Variants in PRKCH observed in about 807,000 individuals in gnomAD.
The protein encoded by PRKCH is protein kinase C eta.
Under a neutral mutation model 82.5 loss-of-function variants are expected in PRKCH, and 28 were observed. The observed-to-expected ratio is 0.34, with a 90% CI of 0.25 to 0.47. The LOEUF (loss-of-function observed/expected upper bound fraction) is 0.47, where lower values mean the gene tolerates loss of function less well. PRKCH is among the 20% of genes least tolerant of loss of function. The pLI, the probability that PRKCH is intolerant of heterozygous loss-of-function variation, is 1.00. For synonymous variants in PRKCH, 322 were observed against 327.4 expected (o/e 0.98, Z 0.18); for missense variants, 705 against 881.8 (o/e 0.80, Z 2.54).
At chr14:61,501,036 C>T (rs1420694689) in intron 10 of PRKCH, among the ~76,000 whole-genome samples, 1 of 152,124 alleles carries the variant, frequency 6.6e-6, no homozygotes, top group Non-Finnish European at 1.5e-5. Flanking sequence ...AAACTTACCC[C>T]CACAATGTAC....
chr14:61,436,571 C>T (rs1361382025), intron 2 of PRKCH, among the ~76,000 whole-genome samples: 1 of 152,170 alleles, frequency 6.6e-6, no homozygotes, highest in Non-Finnish European at 1.5e-5. Flanking sequence ...CTCACTCTGT[C>T]GCCCAGGTTG....
chr14:61,267,752 T>C (rs1459561768), intron 1 of PRKCH, among the ~76,000 whole-genome samples: 2 of 152,188 alleles, frequency 1.3e-5, no homozygotes, highest in Non-Finnish European at 2.9e-5. Flanking sequence ...TTCAAAAGCA[T>C]TTTTTCCACT....
Position 61,549,624 on chromosome 14 carries a change from G to A in PRKCH, c.1906-61G>A, listed in dbSNP as rs959650378. 95 of 1,578,428 alleles carry A rather than the reference G, an allele frequency of 6.0e-5. 1 individual carries two copies. The Middle Eastern group carries it at 6.7e-4, about 11-fold the overall frequency. ...CTCACTGGAATGGGCTATATCCCAT[G>A]CAAGATGAGTAAGCCTCAAGCGCAA... is the stretch of plus-strand genomic sequence containing the variant. On this transcript the variant is annotated intron_variant, in intron 13 of 13. Transcript: ENST00000332981.
intron 12 of PRKCH, among the ~76,000 whole-genome samples, chr14:61,531,131 A>G (rs774249558): frequency 7.9e-5 from 12 of 152,152 alleles, no homozygotes; most frequent in East Asian, 1.9e-4. Flanking sequence ...TGCAGGTGCA[A>G]TGTTGTAATG....
intron 10 of PRKCH, among the ~76,000 whole-genome samples, chr14:61,513,969 A>T (rs1234737247): frequency 2.0e-5 from 3 of 152,128 alleles, no homozygotes; most frequent in African/African-American, 7.3e-5. Flanking sequence ...GAAAGGTGAC[A>T]GAGCTAAGAC....
intron 10 of PRKCH, among the ~76,000 whole-genome samples, chr14:61,504,219 C>T (rs971445050): frequency 2.0e-5 from 3 of 151,656 alleles, no homozygotes; most frequent in Non-Finnish European, 2.9e-5. Context: ...GAGAGAGTCT[C>T]GCTCTGTTGC....
In PRKCH at chr14:61,301,987, T is replaced by A. The variant is rs1190265317; in HGVS notation, c.-19+114319T>A. On this transcript the variant is annotated intron_variant, in intron 1 of 3. Transcript: ENST00000555185. ...GTTCTCTTTCAGTTGACATTCTACA[T>A]AGGCAACCACTGACCTAGTTTCTAT... Among the ~76,000 whole-genome samples, 3 of 152,386 alleles carry A rather than the reference T, an allele frequency of 2.0e-5. No homozygotes were observed. In the East Asian group the frequency reaches 5.8e-4, roughly 29 times the overall value.
intron 1 of PRKCH, among the ~76,000 whole-genome samples, chr14:61,202,554 G>A (rs1402925297): frequency 6.6e-6 from 1 of 152,150 alleles, no homozygotes; most frequent in Non-Finnish European, 1.5e-5. Context: ...GGAGAGCAGT[G>A]GGGGAGGGGA....
At chr14:61,266,340 C>A (rs1240668156) in intron 1 of PRKCH, among the ~76,000 whole-genome samples, 1 of 152,090 alleles carries the variant, frequency 6.6e-6, no homozygotes, top group Non-Finnish European at 1.5e-5. Flanking sequence ...ATCACTTGAA[C>A]CTGGGAGGCA....
At chr14:61,541,758 T>C (rs2140031399) in intron 12 of PRKCH, among the ~76,000 whole-genome samples, 1 of 152,352 alleles carries the variant, frequency 6.6e-6, no homozygotes, top group South Asian at 2.1e-4. Context: ...ACTTATATTT[T>C]AGTGAGTAAA....
chr14:61,438,475 C>A (rs188576806), intron 2 of PRKCH, among the ~76,000 whole-genome samples: 1 of 152,188 alleles, frequency 6.6e-6, no homozygotes, highest in Admixed American at 6.5e-5. Flanking sequence ...CTGTGATCCA[C>A]GCTTTTGCCC....
chr14:61,356,493 G>A (rs1325499144), intron 1 of PRKCH, among the ~76,000 whole-genome samples: 5 of 152,118 alleles, frequency 3.3e-5, no homozygotes, highest in African/African-American at 1.2e-4. Context: ...ATTTTTCCGG[G>A]CTATCTCTGG....
At chr14:61,269,568 A>C (rs1028527841) in intron 1 of PRKCH, among the ~76,000 whole-genome samples, 8 of 152,096 alleles carry the variant, frequency 5.3e-5, no homozygotes, top group Admixed American at 1.3e-4. Context: ...CTATGCGTCC[A>C]TGTGTTCTCA....
At chr14:61,341,060 T>G (rs925214409) in intron 1 of PRKCH, among the ~76,000 whole-genome samples, 1 of 152,212 alleles carries the variant, frequency 6.6e-6, no homozygotes, top group African/African-American at 2.4e-5. Flanking sequence ...AAATCCATCC[T>G]CCATAAACTG....
intron 1 of PRKCH, among the ~76,000 whole-genome samples, chr14:61,224,536 C>T (rs934042112): frequency 2.0e-5 from 3 of 152,154 alleles, no homozygotes; most frequent in Non-Finnish European, 2.9e-5. Flanking sequence ...CTTGACAGTC[C>T]TGAGGAGTGC....
intron 1 of PRKCH, among the ~76,000 whole-genome samples, chr14:61,223,018 C>T (rs971525703): frequency 6.6e-6 from 1 of 152,100 alleles, no homozygotes; most frequent in African/African-American, 2.4e-5. Flanking sequence ...GAGCTATTCA[C>T]TCTCACTCTA....
chr14:61,294,589 T>C (rs981720546), intron 1 of PRKCH, among the ~76,000 whole-genome samples: 5 of 152,100 alleles, frequency 3.3e-5, no homozygotes, highest in Non-Finnish European at 7.4e-5. Context: ...ATCTTTTAAC[T>C]GTGATGGTAG....
chr14:61,444,060 G>C (rs894902853), intron 3 of PRKCH, among the ~76,000 whole-genome samples: 2 of 152,152 alleles, frequency 1.3e-5, no homozygotes, highest in Non-Finnish European at 2.9e-5. Context: ...TTGGATCAGA[G>C]CAGTTTCTGA....
rs536397343 is a variant in PRKCH at position 61,499,069 on chromosome 14, C to T, written c.1433+13413C>T. Among the ~76,000 whole-genome samples, 135 of 152,238 alleles carry T rather than the reference C, an allele frequency of 8.9e-4. 4 individuals are homozygous for T. The highest frequency in any genetic ancestry group is 2.9e-4 in the Non-Finnish European group (20 of 68,028). On this transcript the variant is annotated intron_variant, in intron 10 of 13. Coordinates refer to ENST00000332981, the MANE Select transcript of PRKCH (RefSeq NM_006255.5). Reference sequence around the variant, plus strand: ...CCGAGGCGTTGTCATGCGTTTGGCTCATTAAGCCATGCATGTTAGGCTTGG... The same window carrying T: ...CCGAGGCGTTGTCATGCGTTTGGCTTATTAAGCCATGCATGTTAGGCTTGG...
Sources: allele counts gnomAD v4.1 joint callset (sites outside exome capture counted in the v4.1 genomes callset), GRCh38; gene constraint gnomAD v4.1.1; transcripts MANE v1.5; gene names NCBI Gene and HGNC (gene_info 2026-07-23, HGNC 2026-07-21).